CDH2: variants seen among roughly 807,000 people sequenced by gnomAD.
The protein encoded by CDH2 is cadherin 2, also known as cadherin-2.
CDH2 carries 17 observed loss-of-function variants against 92.0 expected under a neutral mutation model. The observed-to-expected ratio is 0.18, with a 90% CI of 0.13 to 0.28. The LOEUF (loss-of-function observed/expected upper bound fraction) is 0.28, where lower values mean the gene tolerates loss of function less well. Ranked by LOEUF, CDH2 falls within the 10% of genes least tolerant of loss-of-function variation. CDH2 has a pLI of 1.00. For synonymous variants in CDH2, 419 were observed against 415.9 expected (o/e 1.01, Z -0.09); for missense variants, 862 against 1,133.1 (o/e 0.76, Z 3.44).
intron 6 of CDH2, among the ~76,000 whole-genome samples, chr18:27,942,269 A>G (rs1267155993): frequency 6.6e-6 from 1 of 152,224 alleles, no homozygotes; most frequent in Non-Finnish European, 1.5e-5. Context: ...GCTTTTTGAG[A>G]GTGAAACATT....
chr18:28,095,710 T>C (rs745528943), intron 2 of CDH2, among the ~76,000 whole-genome samples: 1 of 147,410 alleles, frequency 6.8e-6, no homozygotes, highest in Non-Finnish European at 1.5e-5. Context: ...CTCTGGAGGC[T>C]GAGGCAGGAG....
intron 2 of CDH2, among the ~76,000 whole-genome samples, chr18:28,037,915 A>G (rs992655572): frequency 6.6e-6 from 1 of 152,148 alleles, no homozygotes; most frequent in Non-Finnish European, 1.5e-5. Context: ...AAACATATAA[A>G]AAAAGATGAT....
intron 14 of CDH2, among the ~76,000 whole-genome samples, chr18:27,973,404 T>C (rs2011722625): frequency 2.0e-5 from 3 of 152,206 alleles, no homozygotes; most frequent in Admixed American, 1.3e-4. Flanking sequence ...TAGAAGACTT[T>C]AGTATCACAG....
At chr18:28,163,298 C>T (rs949417066) in intron 1 of CDH2, among the ~76,000 whole-genome samples, 2 of 152,200 alleles carry the variant, frequency 1.3e-5, no homozygotes, top group South Asian at 2.1e-4. Context: ...AAAACACAAT[C>T]TTGCATTAGC....
At chr18:28,066,517 T>C (rs114534801) in intron 2 of CDH2, among the ~76,000 whole-genome samples, 1,938 of 152,200 alleles carry the variant, frequency 0.013, 51 homozygotes, top group African/African-American at 0.045. Flanking sequence ...AGACCCCTTT[T>C]CACTTTTCAA....
intron 2 of CDH2, among the ~76,000 whole-genome samples, chr18:28,075,205 A>G (rs2014695913): frequency 6.6e-6 from 1 of 152,210 alleles, no homozygotes; most frequent in African/African-American, 2.4e-5. Context: ...GAAAGCACAT[A>G]AAGTAAAAAG....
At chr18:27,984,945 T>G in intron 13 of CDH2, 55 bp downstream of exon 13, 1 of 1,406,922 alleles carries the variant, frequency 7.1e-7, no homozygotes, top group Non-Finnish European at 1.0e-6. Flanking sequence ...ATGACTTTGC[T>G]GAACATCCTA....
At chr18:28,139,719 C>T (rs1031885590) in intron 2 of CDH2, among the ~76,000 whole-genome samples, 2 of 152,028 alleles carry the variant, frequency 1.3e-5, no homozygotes, top group African/African-American at 4.8e-5. Context: ...GTCTCCATTT[C>T]TCCCCTTAAC....
rs1447898607 is a variant in CDH2, at chr18:28,140,914, A to ACC, written c.172+6758_172+6759insGG. Among the ~76,000 whole-genome samples the ACC allele has an allele frequency of 4.0e-3, 578 of 145,956 alleles. 5 individuals are homozygous for ACC. The highest frequency in any genetic ancestry group is 0.014 in the African/African-American group (543 of 39,720). ...AAACAAGATATATATATATATACCTATATATATATATAGGTATGAAATATC... is the reference window on the plus strand; with the variant it reads ...AAACAAGATATATATATATATACCTACCTATATATATATAGGTATGAAATATC... On this transcript the variant is annotated intron_variant, in intron 2 of 15. Transcript: ENST00000269141.
intron 2 of CDH2, among the ~76,000 whole-genome samples, chr18:28,036,048 T>C (rs1199381555): frequency 6.6e-6 from 1 of 152,122 alleles, no homozygotes; most frequent in Non-Finnish European, 1.5e-5. Flanking sequence ...CCACAAAAAA[T>C]ATTTGGCTTG....
chr18:28,061,505 C>T (rs28365294), intron 2 of CDH2, among the ~76,000 whole-genome samples: 24 of 152,210 alleles, frequency 1.6e-4, no homozygotes, highest in East Asian at 9.7e-4. Context: ...ATCAGCCGAG[C>T]GTGGTGGCAT....
intron 1 of CDH2, among the ~76,000 whole-genome samples, chr18:28,167,993 A>C (rs555069783): frequency 6.6e-6 from 1 of 152,282 alleles, no homozygotes; most frequent in African/African-American, 2.4e-5. Context: ...TTAACCAATT[A>C]AGACAACAAA....
intron 2 of CDH2, among the ~76,000 whole-genome samples, chr18:28,067,270 G>T (rs2014526787): frequency 6.6e-6 from 1 of 152,002 alleles, no homozygotes; most frequent in African/African-American, 2.4e-5. Flanking sequence ...ATGGCTTTTA[G>T]TATATTCACA....
intron 1 of CDH2, among the ~76,000 whole-genome samples, chr18:28,168,317 TG>T: frequency 6.6e-6 from 1 of 152,280 alleles, no homozygotes; most frequent in South Asian, 2.1e-4. Context: ...TTGTCTGCAG[TG>T]GGTCATTTCA....
At chr18:28,033,134 G>A (rs956699694) in intron 2 of CDH2, among the ~76,000 whole-genome samples, 2 of 151,932 alleles carry the variant, frequency 1.3e-5, no homozygotes, top group South Asian at 2.1e-4. Context: ...TGGCAGCTTC[G>A]GAATAAACAG....
chr18:28,023,172 C>T (rs986585504), intron 2 of CDH2, among the ~76,000 whole-genome samples: 3 of 152,094 alleles, frequency 2.0e-5, no homozygotes, highest in African/African-American at 2.4e-5. Context: ...TATGGAATCA[C>T]GATTTATAAG....
intron 2 of CDH2, among the ~76,000 whole-genome samples, chr18:28,026,864 T>C (rs1287451373): frequency 6.6e-6 from 1 of 152,154 alleles, no homozygotes; most frequent in East Asian, 1.9e-4. Context: ...CTCCCCTTCC[T>C]AGATATTCAG....
intron 1 of CDH2, among the ~76,000 whole-genome samples, chr18:28,171,319 CT>C (rs1352810854): frequency 2.0e-5 from 3 of 151,910 alleles, no homozygotes; most frequent in Non-Finnish European, 2.9e-5. Context: ...TGTTGACCCC[CT>C]ATCACTCAAT....
chr18:27,966,810 C>A (rs1481184598), intron 14 of CDH2, among the ~76,000 whole-genome samples: 1 of 152,118 alleles, frequency 6.6e-6, no homozygotes, highest in African/African-American at 2.4e-5. Flanking sequence ...CAGGAAGAGT[C>A]TTAAAACTTC....
Sources: allele counts gnomAD v4.1 joint callset (sites outside exome capture counted in the v4.1 genomes callset), GRCh38; gene constraint gnomAD v4.1.1; transcripts MANE v1.5; gene names NCBI Gene and HGNC (gene_info 2026-07-23, HGNC 2026-07-21).